EMC2: variants seen among roughly 807,000 people sequenced by gnomAD.
EMC2 encodes ER membrane protein complex subunit 2.
A neutral mutation model predicts 51.6 loss-of-function variants in EMC2; 37 were observed. That is an observed-to-expected ratio of 0.72 (90% confidence interval 0.55 to 0.94). The LOEUF is 0.94. EMC2 is among the 40% of genes least tolerant of loss of function. The probability of loss-of-function intolerance (pLI) is 0.00; values close to 1 mark genes in which losing one functional copy is unlikely to be tolerated. For missense variants in EMC2, 359 were observed against 350.9 expected (o/e 1.02, Z -0.18); for synonymous variants, 131 against 112.4 (o/e 1.17, Z -1.04).
chr8:108,476,859 C>A lies in EMC2; in HGVS notation c.669C>A (p.Asn223Lys). ...KYFAQALKLN[N>K]RNMRALFGLY... ...TTGCACAGGCATTGAAACTGAACAA[C>A]AGAAATATGAGAGCTTTGTTTGGAC... Residue 223 changes from asparagine to lysine, a missense_variant, in exon 9 of 11, where the codon AAC (asparagine) becomes AAA (lysine). Coordinates refer to ENST00000220853, the MANE Select transcript of EMC2 (RefSeq NM_014673.5). The A allele has an allele frequency of 6.3e-7, 1 of 1,596,266 alleles. No homozygotes were observed. The highest frequency in any genetic ancestry group is 8.6e-7 in the Non-Finnish European group (1 of 1,164,676).
chr8:108,483,982 G>A (rs1811091289), intron 10 of EMC2, among the ~76,000 whole-genome samples: 1 of 152,058 alleles, frequency 6.6e-6, no homozygotes, highest in Admixed American at 6.6e-5. Context: ...GGAAAATTAG[G>A]TTTCAAGAAC....
At chr8:108,448,337 T>C (rs988118172) in intron 1 of EMC2, among the ~76,000 whole-genome samples, 11 of 152,182 alleles carry the variant, frequency 7.2e-5, no homozygotes, top group African/African-American at 2.7e-4. Flanking sequence ...CTTTCCAGTA[T>C]ACTATACGTC....
chr8:108,472,058 T>C (rs1164520065), intron 7 of EMC2, among the ~76,000 whole-genome samples: 1 of 152,030 alleles, frequency 6.6e-6, no homozygotes, highest in Non-Finnish European at 1.5e-5. Flanking sequence ...ATCCTTGTTA[T>C]ATGCTTTTTA....
intron 5 of EMC2, among the ~76,000 whole-genome samples, chr8:108,466,556 G>C (rs527330397): frequency 6.8e-6 from 1 of 147,370 alleles, no homozygotes; most frequent in Non-Finnish European, 1.5e-5. Flanking sequence ...GGGCTCAAGC[G>C]ATCTCCCACC....
At chr8:108,454,333 G>C (rs1819101956) in intron 4 of EMC2, among the ~76,000 whole-genome samples, 1 of 151,874 alleles carries the variant, frequency 6.6e-6, no homozygotes, top group African/African-American at 2.4e-5. Flanking sequence ...AGCATTTATA[G>C]AATTTCGTAT....
intron 7 of EMC2, among the ~76,000 whole-genome samples, chr8:108,471,405 A>T (rs954857242): frequency 4.0e-5 from 6 of 150,500 alleles, no homozygotes; most frequent in Non-Finnish European, 7.4e-5. Context: ...CAACAAGGAA[A>T]TTTTTTTTTT....
Position 108,469,826 on chromosome 8 carries a change from G to C in EMC2, c.364G>C (p.Ala122Pro), listed in dbSNP as rs372330288. ...RILQEDPTNT[A>P]ARKRKIAIRK... is the part of the protein sequence containing the mutation. The stretch of plus-strand genomic sequence containing the variant: ...ATCCTTTATTAATGTCAACCCACAG[G>C]CTGCAAGAAAGCGTAAGATTGCCAT... Residue 122 changes from alanine to proline, a missense_variant and splice_region_variant, in exon 6 of 11, where the codon GCT becomes CCT. Transcript: ENST00000220853. The C allele has an allele frequency of 4.3e-6, 7 of 1,612,786 alleles. No individual in the cohort carries two copies. The highest frequency in any genetic ancestry group is 2.7e-5 in the African/African-American group (2 of 74,864).
intron 5 of EMC2, 25 bp from the exon 6 acceptor site, chr8:108,469,801 A>G (rs1052909573): frequency 6.3e-7 from 1 of 1,596,996 alleles, no homozygotes; most frequent in Non-Finnish European, 8.6e-7. Flanking sequence ...TAAGGGCCTA[A>G]TCCTTTATTA....
rs1420349258 is a variant in EMC2 at position 108,455,928 on chromosome 8, A to G, written c.361A>G (p.Thr121Ala). 1.5e-6 allele frequency: 2 copies of G among 1,347,048 alleles called. No homozygotes were observed. Among genetic ancestry groups the G allele is most frequent in the South Asian group, 1.5e-5 (1 of 65,598 alleles). The allele number at this position is 1,347,048 out of a possible 1,614,324, so 83.4% of individuals were successfully genotyped here. ...GATTTTACAAGAAGATCCAACTAAC[A>G]CTGTAAGTTGGCAGATTGTCTTGAA... The part of the protein sequence containing the change: ...DRILQEDPTN[T>A]AARKRKIAIR... Residue 121 changes from threonine to alanine, a missense_variant and splice_region_variant, in exon 5 of 11, where the codon ACT becomes GCT. Coordinates refer to ENST00000220853, the MANE Select transcript of EMC2 (RefSeq NM_014673.5).
At chr8:108,480,862 A>G (rs1401591254) in intron 10 of EMC2, among the ~76,000 whole-genome samples, 2 of 152,114 alleles carry the variant, frequency 1.3e-5, no homozygotes, top group African/African-American at 4.8e-5. Flanking sequence ...GACTTGTCTA[A>G]TCTCACATTT....
chr8:108,456,374 G>A (rs114191141), intron 5 of EMC2, among the ~76,000 whole-genome samples: 322 of 142,608 alleles, frequency 2.3e-3, no homozygotes, highest in African/African-American at 7.9e-3. Flanking sequence ...ACTTCTAGAA[G>A]ATACCGTATT....
rs1235043257 is a variant in EMC2 at position 108,486,602 on chromosome 8, T to G, written c.*4T>G. On this transcript the variant is annotated 3_prime_UTR_variant, in exon 11 of 11. Transcript: ENST00000220853. ...ATTGCAGATCACCCAGTCTTAAGGT[T>G]TCAAAAACTCTTTGACATTAGATTT... The G allele has an allele frequency of 6.3e-7, 1 of 1,593,550 alleles. No individual in the cohort carries two copies. The highest frequency in any genetic ancestry group is 2.3e-5 in the East Asian group (1 of 44,388).
chr8:108,460,372 C>G (rs945217836), intron 5 of EMC2, among the ~76,000 whole-genome samples: 1 of 152,074 alleles, frequency 6.6e-6, no homozygotes, highest in African/African-American at 2.4e-5. Context: ...AAAGAGAAAT[C>G]CAAATGGTTC....
At chr8:108,485,218 A>T (rs150167070) in intron 10 of EMC2, among the ~76,000 whole-genome samples, 47 of 151,668 alleles carry the variant, frequency 3.1e-4, no homozygotes, top group African/African-American at 1.1e-3. Context: ...AGTTTGCCAA[A>T]TTAAGTTAAT....
At chr8:108,479,260 GT>G in intron 10 of EMC2, 150 bp downstream of exon 10, 1 of 394,548 alleles carries the variant, frequency 2.5e-6, no homozygotes, top group Non-Finnish European at 4.5e-6. Context: ...TTAATTTGTA[GT>G]TTTAAGATTA....
intron 1 of EMC2, 69 bp downstream of exon 1, chr8:108,443,767 C>T: frequency 7.2e-7 from 1 of 1,389,368 alleles, no homozygotes; most frequent in Non-Finnish European, 1.0e-6. Context: ...GTACCCGCTG[C>T]TTTCGGGGAG....
At chr8:108,455,124 T>A (rs1483215604) in intron 4 of EMC2, among the ~76,000 whole-genome samples, 1 of 152,074 alleles carries the variant, frequency 6.6e-6, no homozygotes, top group African/African-American at 2.4e-5. Context: ...ATCATAAGTT[T>A]AGGAAAATTT....
chr8:108,484,337 A>G (rs1811097876), intron 10 of EMC2, among the ~76,000 whole-genome samples: 1 of 152,098 alleles, frequency 6.6e-6, no homozygotes, highest in Admixed American at 6.5e-5. Flanking sequence ...GAATAATTGC[A>G]TGTCAGATTA....
intron 7 of EMC2, among the ~76,000 whole-genome samples, chr8:108,473,458 T>G (rs1240740148): frequency 1.3e-5 from 2 of 152,100 alleles, no homozygotes; most frequent in East Asian, 1.9e-4. Flanking sequence ...TGAAAACTTC[T>G]GAAATCTGAA....
Sources: gnomAD v4.1 joint callset for allele counts (sites outside exome capture counted in the v4.1 genomes callset) on GRCh38, gnomAD v4.1.1 for gene constraint, MANE v1.5 for transcripts, NCBI Gene and HGNC (gene_info 2026-07-23, HGNC 2026-07-21) for gene names.